The following SAMD5 variants were observed in gnomAD, a reference collection of about 807,000 sequenced individuals.
SAMD5 encodes the protein sterile alpha motif domain-containing protein 5.
A neutral mutation model predicts 11.3 loss-of-function variants in SAMD5; 13 were observed. The ratio of observed to expected loss-of-function variants is 1.15; its 90% confidence interval spans 0.75 to 1.83. The LOEUF (loss-of-function observed/expected upper bound fraction) is 1.83, where lower values mean the gene tolerates loss of function less well. Among genes scored for constraint, SAMD5 ranks in the 40% most tolerant of loss-of-function variants. The pLI is 0.00. For synonymous variants in SAMD5, 129 were observed against 111.3 expected (o/e 1.16, Z -1.00); for missense variants, 255 against 239.1 (o/e 1.07, Z -0.44).
chr6:147,664,947 T>G (rs935314943), intron 1 of SAMD5, among the ~76,000 whole-genome samples: 3 of 152,126 alleles, frequency 2.0e-5, no homozygotes, highest in Non-Finnish European at 4.4e-5. Context: ...TGCTGTAACC[T>G]TTACAAAATT....
the SAMD5 span, among the ~76,000 whole-genome samples, chr6:147,789,406 A>G: frequency 1.3e-5 from 2 of 152,074 alleles, no homozygotes; most frequent in Non-Finnish European, 2.9e-5. Context: ...TGCTTCTGCC[A>G]TCTCCCTGCC....
downstream of SAMD5, chr6:147,570,098 A>T (rs1052434722): frequency 3.9e-6 from 3 of 775,764 alleles, no homozygotes; most frequent in Admixed American, 6.2e-5. Flanking sequence ...TAAATTGACA[A>T]TATGTAAATA....
At chr6:147,942,547 C>T in the SAMD5 span, among the ~76,000 whole-genome samples, 9 of 152,198 alleles carry the variant, frequency 5.9e-5, no homozygotes, top group African/African-American at 2.2e-4. Flanking sequence ...GCCCTTCAAG[C>T]TGTGAACTAC....
At chr6:147,899,366 G>A in the SAMD5 span, among the ~76,000 whole-genome samples, 3 of 152,012 alleles carry the variant, frequency 2.0e-5, no homozygotes. Context: ...TAATTGTCAA[G>A]GTCTCAAACT....
chr6:147,652,210 A>C (rs1216840568), intron 1 of SAMD5, among the ~76,000 whole-genome samples: 1 of 152,152 alleles, frequency 6.6e-6, no homozygotes, highest in Non-Finnish European at 1.5e-5. Flanking sequence ...CCTTTACTTA[A>C]TTGCACTAAA....
chr6:147,742,256 G>T (rs1311911713), downstream of SAMD5, among the ~76,000 whole-genome samples: 3 of 152,118 alleles, frequency 2.0e-5, no homozygotes, highest in Admixed American at 2.0e-4. Flanking sequence ...GTGTTTGTGT[G>T]TGTGTGTTGT....
the SAMD5 span, among the ~76,000 whole-genome samples, chr6:147,815,089 AG>A: frequency 6.6e-6 from 1 of 152,178 alleles, no homozygotes; most frequent in Non-Finnish European, 1.5e-5. Context: ...AAGAATATTA[AG>A]AAAATGGTTT....
chr6:147,706,102 G>A (rs958289932), intron 1 of SAMD5, among the ~76,000 whole-genome samples: 11 of 152,126 alleles, frequency 7.2e-5, no homozygotes, highest in Non-Finnish European at 1.0e-4. Flanking sequence ...TCTGTGTTGC[G>A]TGTTGTGTGT....
intron 1 of SAMD5, among the ~76,000 whole-genome samples, chr6:147,735,583 T>G (rs537111221): frequency 1.3e-5 from 2 of 152,316 alleles, no homozygotes; most frequent in South Asian, 4.1e-4. Context: ...TTGATATATC[T>G]CTGATTTAAT....
intron 1 of SAMD5, among the ~76,000 whole-genome samples, chr6:147,623,580 G>A (rs1790004276): frequency 6.6e-6 from 1 of 152,160 alleles, no homozygotes; most frequent in African/African-American, 2.4e-5. Context: ...TCTTGTTAGA[G>A]CACATTCATT....
At chr6:147,596,711 A>G (rs1286685925) in intron 1 of SAMD5, among the ~76,000 whole-genome samples, 1 of 152,184 alleles carries the variant, frequency 6.6e-6, no homozygotes, top group Non-Finnish European at 1.5e-5. Flanking sequence ...CATAAACAAT[A>G]TTTCTTTTAC....
At chr6:147,920,518 A>T in the SAMD5 span, among the ~76,000 whole-genome samples, 1 of 152,172 alleles carries the variant, frequency 6.6e-6, no homozygotes. Flanking sequence ...TGATCGTGTG[A>T]GTCAGTACTC....
the SAMD5 span, among the ~76,000 whole-genome samples, chr6:147,855,582 T>G: frequency 6.6e-6 from 1 of 152,178 alleles, no homozygotes; most frequent in African/African-American, 2.4e-5. Flanking sequence ...AATAAGGCAT[T>G]GCACTAGGAG....
At chr6:147,803,131 C>G in the SAMD5 span, among the ~76,000 whole-genome samples, 1 of 136,754 alleles carries the variant, frequency 7.3e-6, no homozygotes, top group Admixed American at 7.4e-5. Flanking sequence ...GCCTTCCTTT[C>G]TGTGTGTGTG....
At chr6:147,624,012 G>A (rs1165902915) in intron 1 of SAMD5, among the ~76,000 whole-genome samples, 1 of 152,108 alleles carries the variant, frequency 6.6e-6, no homozygotes, top group Non-Finnish European at 1.5e-5. Context: ...TGGGATTACA[G>A]GCGTGTGCCA....
chr6:147,815,761 C>T, the SAMD5 span, among the ~76,000 whole-genome samples: 2 of 152,044 alleles, frequency 1.3e-5, no homozygotes, highest in African/African-American at 4.8e-5. Context: ...ATATTGCCCT[C>T]TTGGTGGAAT....
rs1287020591 is a variant in SAMD5, at chr6:147,707,724, T to TA, written c.163-29591dup. Reference sequence around the variant, plus strand: ...GTCAAGTTTTCTTACATTCTGTGACTAAGATGCTTATTACCACCCCATACT... The same window carrying TA: ...GTCAAGTTTTCTTACATTCTGTGACTAAAGATGCTTATTACCACCCCATACT... On this transcript the variant is annotated intron_variant, in intron 1 of 1. Coordinates refer to the SAMD5 transcript ENST00000566741. Among the ~76,000 whole-genome samples the TA allele has an allele frequency of 2.0e-5, 3 of 152,212 alleles. No homozygotes were observed. The East Asian group carries it at 5.8e-4, about 29-fold the overall frequency.
At chr6:147,919,924 C>T in the SAMD5 span, among the ~76,000 whole-genome samples, 2 of 152,170 alleles carry the variant, frequency 1.3e-5, no homozygotes, top group African/African-American at 4.8e-5. Flanking sequence ...GCCTCCTGTC[C>T]AGTGCTTATT....
the SAMD5 span, among the ~76,000 whole-genome samples, chr6:147,821,354 G>A: frequency 6.6e-6 from 1 of 152,322 alleles, no homozygotes; most frequent in Admixed American, 6.5e-5. Context: ...GTTAGATGAT[G>A]TTATACCCTT....
Sources: allele counts gnomAD v4.1 joint callset (sites outside exome capture counted in the v4.1 genomes callset), GRCh38; gene constraint gnomAD v4.1.1; transcripts MANE v1.5; gene names NCBI Gene and HGNC (gene_info 2026-07-23, HGNC 2026-07-21).